Variants in SPATA13 observed in about 807,000 individuals in gnomAD.
SPATA13 encodes the protein spermatogenesis-associated protein 13.
In SPATA13, 50 loss-of-function variants were observed where a neutral mutation model predicts 104.0. That is an observed-to-expected ratio of 0.48 (90% CI 0.38 to 0.61). The LOEUF (loss-of-function observed/expected upper bound fraction) is 0.61, where lower values mean the gene tolerates loss of function less well. Among genes scored for constraint, SPATA13 ranks in the 20% least tolerant of loss-of-function variants. SPATA13 has a pLI of 0.00. For missense variants in SPATA13, 1,524 were observed against 1,690.6 expected (o/e 0.90, Z 1.73); for synonymous variants, 606 against 667.5 (o/e 0.91, Z 1.42).
chr13:23,999,610 T>G (rs1566067035), intron 2 of SPATA13, among the ~76,000 whole-genome samples: 1 of 151,888 alleles, frequency 6.6e-6, no homozygotes, highest in Non-Finnish European at 1.5e-5. Flanking sequence ...GGTGGATTCT[T>G]CTGCCTGAGC....
At chr13:23,986,174 G>A (rs148005373) in intron 2 of SPATA13, among the ~76,000 whole-genome samples, 4 of 152,250 alleles carry the variant, frequency 2.6e-5, no homozygotes, top group African/African-American at 9.6e-5. Context: ...TAGGTATTTC[G>A]GCTCGCCCAG....
chr13:24,135,534 A>G (rs937767039), intron 3 of SPATA13, among the ~76,000 whole-genome samples: 1 of 151,908 alleles, frequency 6.6e-6, no homozygotes, highest in African/African-American at 2.4e-5. Flanking sequence ...CATCTCTACT[A>G]AGAAATACAA....
intron 3 of SPATA13, among the ~76,000 whole-genome samples, chr13:24,109,140 T>G (rs2137810723): frequency 6.6e-6 from 1 of 152,154 alleles, no homozygotes; most frequent in African/African-American, 2.4e-5. Context: ...CCCTGATGTG[T>G]GATGTTCCCG....
intron 1 of SPATA13, among the ~76,000 whole-genome samples, chr13:24,188,672 A>C (rs1180008859): frequency 6.6e-6 from 1 of 152,236 alleles, no homozygotes; most frequent in Non-Finnish European, 1.5e-5. Flanking sequence ...CAGAAGATCT[A>C]GCTAAGATAA....
In SPATA13 at chr13:24,232,578, C is replaced by G. The variant is rs1354792584; in HGVS notation, c.1653+7996C>G. The stretch of plus-strand genomic sequence containing the variant: ...CTTTTTTGAGACAGGGTCTCACTCT[C>G]TTGCCCAGGCTGGAGTACAATGGTG... On this transcript the variant is annotated intron_variant, in intron 2 of 12. Coordinates refer to ENST00000382108, the MANE Select transcript of SPATA13 (RefSeq NM_001166271.3). Among the ~76,000 whole-genome samples, 3 of 152,186 alleles carry G rather than the reference C, an allele frequency of 2.0e-5. No homozygotes were observed. The East Asian group carries it at 5.8e-4, about 29-fold the overall frequency.
intron 3 of SPATA13, among the ~76,000 whole-genome samples, chr13:24,145,105 A>G (rs1296692886): frequency 6.6e-6 from 1 of 152,180 alleles, no homozygotes; most frequent in African/African-American, 2.4e-5. Flanking sequence ...TGTCGTAGCC[A>G]CCTTCTTTTC....
intron 2 of SPATA13, among the ~76,000 whole-genome samples, chr13:23,985,770 A>C (rs1036185580): frequency 6.6e-6 from 1 of 152,254 alleles, no homozygotes; most frequent in Admixed American, 6.5e-5. Flanking sequence ...ATACACAGGC[A>C]ACATAAGAAT....
At chr13:24,054,687 G>A (rs530634400) in intron 3 of SPATA13, among the ~76,000 whole-genome samples, 74 of 152,180 alleles carry the variant, frequency 4.9e-4, no homozygotes, top group Non-Finnish European at 8.1e-4. Context: ...GTAGCGCACC[G>A]TTAATTTATG....
chr13:24,187,873 G>A (rs1266889040), intron 1 of SPATA13, among the ~76,000 whole-genome samples: 1 of 152,150 alleles, frequency 6.6e-6, no homozygotes, highest in African/African-American at 2.4e-5. Context: ...TAACCTCTAA[G>A]TGTTCAAGTG....
At chr13:24,267,788 C>T (rs1874364777) in intron 4 of SPATA13, among the ~76,000 whole-genome samples, 1 of 152,246 alleles carries the variant, frequency 6.6e-6, no homozygotes, top group Admixed American at 6.5e-5. Context: ...CCCACCCATT[C>T]ATTCCATGGT....
At chr13:24,191,563 G>T (rs1869758617) in intron 1 of SPATA13, among the ~76,000 whole-genome samples, 1 of 129,448 alleles carries the variant, frequency 7.7e-6, no homozygotes, top group African/African-American at 2.9e-5. Context: ...AGGCTGGAGT[G>T]CAGTGGCGTG....
intron 3 of SPATA13, among the ~76,000 whole-genome samples, chr13:24,058,487 A>G (rs1332516223): frequency 6.6e-6 from 1 of 151,872 alleles, no homozygotes; most frequent in African/African-American, 2.4e-5. Context: ...GGACAAAGGA[A>G]CAGCTCACAC....
chr13:24,103,484 CAAA>C (rs34983901), intron 3 of SPATA13, among the ~76,000 whole-genome samples: 1 of 69,860 alleles, frequency 1.4e-5, no homozygotes, highest in Non-Finnish European at 2.5e-5. Flanking sequence ...GACCCTGTCT[CAAA>C]AAAAAAAAAA....
intron 3 of SPATA13, among the ~76,000 whole-genome samples, chr13:24,111,971 A>G (rs1420252959): frequency 6.6e-6 from 1 of 152,182 alleles, no homozygotes; most frequent in Non-Finnish European, 1.5e-5. Context: ...TCATTCTTAT[A>G]TTCTCTAGAT....
At chr13:24,013,174 G>A (rs941466296) in intron 2 of SPATA13, among the ~76,000 whole-genome samples, 3 of 152,220 alleles carry the variant, frequency 2.0e-5, no homozygotes, top group African/African-American at 7.2e-5. Context: ...AACGGGCTTA[G>A]AGCTCTTCCT....
chr13:24,080,834 T>C (rs1169858074), intron 3 of SPATA13, among the ~76,000 whole-genome samples: 1 of 152,216 alleles, frequency 6.6e-6, no homozygotes, highest in Non-Finnish European at 1.5e-5. Context: ...ATCATTTTGT[T>C]TCTTGGAGTC....
At chr13:24,210,767 T>C (rs1407480831) in intron 1 of SPATA13, among the ~76,000 whole-genome samples, 1 of 11,214 alleles carries the variant, frequency 8.9e-5, no homozygotes, top group Non-Finnish European at 1.3e-4. Context: ...AATTTTAGGG[T>C]TTTTTTTTTT....
chr13:24,295,771 C>CATTTGTACAT (rs990266172), intron 10 of SPATA13, among the ~76,000 whole-genome samples: 1 of 152,058 alleles, frequency 6.6e-6, no homozygotes. Flanking sequence ...TGATCTGAGC[C>CATTTGTACAT]ATTTGTACAT....
In SPATA13 at chr13:24,224,484, C is replaced by A. The variant is rs1276871952; in HGVS notation, c.1555C>A (p.Gln519Lys). 1.3e-5 allele frequency: 20 copies of A among 1,550,788 alleles called. No individual in the cohort carries two copies. Among genetic ancestry groups the A allele is most frequent in the African/African-American group, 2.7e-5 (2 of 73,056 alleles). The stretch of plus-strand genomic sequence containing the variant: ...GAGAGAGCCAGGGCCTGTGTCCTTG[C>A]AGGATCCCCTGGAAGCCACACATGG... ...AQREPGPVSL[Q>K]DPLEATHGDE... is the part of the protein sequence containing the mutation. Residue 519 changes from glutamine to lysine, a missense_variant, in exon 2 of 13, where the codon CAG becomes AAG. Gln to Lys is a moderately conservative substitution (Grantham distance 53, BLOSUM62 1). This residue lies in a region of SPATA13 where 1,089 missense variants were observed against 1,135.9 expected (regional missense o/e 0.96). Coordinates refer to ENST00000382108, the MANE Select transcript of SPATA13 (RefSeq NM_001166271.3).
Sources: gnomAD v4.1 joint callset for allele counts (sites outside exome capture counted in the v4.1 genomes callset) on GRCh38, gnomAD v4.1.1 for gene constraint, gnomAD v4.1.1 regional missense constraint, MANE v1.5 for transcripts, NCBI Gene and HGNC (gene_info 2026-07-23, HGNC 2026-07-21) for gene names.